The following SLC25A36 variants were observed in gnomAD, a reference collection of about 807,000 sequenced individuals.
The protein encoded by SLC25A36 is solute carrier family 25 member 36, also known as epididymis secretory sperm binding protein.
A neutral mutation model predicts 35.3 loss-of-function variants in SLC25A36; 24 were observed. The observed-to-expected ratio is 0.68, with a 90% CI of 0.49 to 0.96. The LOEUF (loss-of-function observed/expected upper bound fraction) is 0.96, where lower values mean the gene tolerates loss of function less well. Ranked by LOEUF, SLC25A36 falls within the 40% of genes least tolerant of loss-of-function variation. SLC25A36 has a pLI of 0.00. For synonymous variants in SLC25A36, 141 were observed against 132.2 expected (o/e 1.07, Z -0.46); for missense variants, 294 against 381.1 (o/e 0.77, Z 1.90).
chr3:140,974,188 A>G (rs1376643767), intron 6 of SLC25A36, among the ~76,000 whole-genome samples, 183 bp downstream of exon 6: 1 of 152,142 alleles, frequency 6.6e-6, no homozygotes, highest in African/African-American at 2.4e-5. Flanking sequence ...TATGCTATCA[A>G]ATAGCATGGT....
chr3:140,947,261 G>A (rs1160655395), intron 1 of SLC25A36, among the ~76,000 whole-genome samples: 2 of 152,164 alleles, frequency 1.3e-5, no homozygotes, highest in African/African-American at 2.4e-5. Flanking sequence ...AGAGAAATTA[G>A]AGACAACAAA....
At chr3:140,948,714 C>T (rs1934235502) in intron 1 of SLC25A36, among the ~76,000 whole-genome samples, 1 of 152,252 alleles carries the variant, frequency 6.6e-6, no homozygotes, top group East Asian at 1.9e-4. Context: ...AAACAAGTTT[C>T]CTGATCCATA....
In SLC25A36 at chr3:140,978,241, A is replaced by G. The variant is rs1405056330; in HGVS notation, c.*1788A>G. 1 of 152,212 alleles carries G rather than the reference A, an allele frequency of 6.6e-6. No homozygotes were observed. The highest frequency in any genetic ancestry group is 1.5e-5 in the Non-Finnish European group (1 of 68,028). The allele number at this position is 152,212 out of a possible 1,614,324, so 9.4% of individuals were successfully genotyped here. Reference sequence around the variant, plus strand: ...CCAATCTATTTGGAGACCAAAGGCAAAATCAGTTTTCTTACCTTTGGAATT... The same window carrying G: ...CCAATCTATTTGGAGACCAAAGGCAGAATCAGTTTTCTTACCTTTGGAATT... On this transcript the variant is annotated 3_prime_UTR_variant, in exon 7 of 7. Coordinates refer to ENST00000324194, the MANE Select transcript of SLC25A36 (RefSeq NM_001104647.3).
At chr3:140,976,163 G>A (rs752725797) in intron 6 of SLC25A36, 97 bp from the exon 7 acceptor site, 193 of 800,148 alleles carry the variant, frequency 2.4e-4, no homozygotes, top group Non-Finnish European at 3.5e-4. Context: ...TTTATCCTGA[G>A]CTTACACTTA....
At chr3:140,964,069 T>TA in intron 4 of SLC25A36, 1 of 152,118 alleles carries the variant, frequency 6.6e-6, no homozygotes, top group South Asian at 2.1e-4. Context: ...TGTAACTTTA[T>TA]AAACTGTAGC....
chr3:140,966,026 A>G (rs1241220486), intron 4 of SLC25A36: 3 of 152,090 alleles, frequency 2.0e-5, no homozygotes, highest in East Asian at 3.9e-4. Flanking sequence ...ATGAATTCTA[A>G]TTTTAATTGG....
intron 1 of SLC25A36, among the ~76,000 whole-genome samples, chr3:140,945,410 C>T (rs1032046195): frequency 3.9e-5 from 6 of 152,092 alleles, no homozygotes; most frequent in African/African-American, 1.4e-4. Context: ...TAATAGACTG[C>T]AAAACTAAGG....
At chr3:140,960,522 G>T (rs1934601156) in intron 3 of SLC25A36, among the ~76,000 whole-genome samples, 1 of 152,198 alleles carries the variant, frequency 6.6e-6, no homozygotes, top group South Asian at 2.1e-4. Flanking sequence ...GGATGTCAGG[G>T]CTTAGAACAG....
intron 4 of SLC25A36, chr3:140,965,766 G>C (rs1296881882): frequency 6.6e-6 from 1 of 151,492 alleles, no homozygotes; most frequent in African/African-American, 2.4e-5. Context: ...TTAATATTTT[G>C]CCTGCCTTTT....
chr3:140,954,718 T>C (rs749756466), intron 1 of SLC25A36, among the ~76,000 whole-genome samples: 1 of 152,244 alleles, frequency 6.6e-6, no homozygotes, highest in Non-Finnish European at 1.5e-5. Context: ...TATTCCTGAC[T>C]GTAAGCACTT....
At position 140,978,078 on chromosome 3, in the gene SLC25A36, A is replaced by G. The variant is rs1935096583; in HGVS notation, c.*1625A>G. ...CCTGTCGTACCCCCAACATTATAGAATATTGCAGCGTGTCATTGCAAGCTT... is the reference window on the plus strand; with the variant it reads ...CCTGTCGTACCCCCAACATTATAGAGTATTGCAGCGTGTCATTGCAAGCTT... On this transcript the variant is annotated 3_prime_UTR_variant, in exon 7 of 7. Transcript: ENST00000324194. 2.0e-5 allele frequency: 3 copies of G among 152,246 alleles called. No homozygotes were observed. Among genetic ancestry groups the G allele is most frequent in the East Asian group, 3.9e-4 (2 of 5,178 alleles). 9.4% of individuals were successfully genotyped at this position (152,246 alleles called of 1,614,324 possible).
intron 6 of SLC25A36, among the ~76,000 whole-genome samples, 173 bp downstream of exon 6, chr3:140,974,178 T>TA (rs1160328435): frequency 6.6e-6 from 1 of 152,184 alleles, no homozygotes; most frequent in African/African-American, 2.4e-5. Flanking sequence ...AGGTCAGTAT[T>TA]ATGCTATCAA....
chr3:140,970,600 A>T (rs2107812190), intron 4 of SLC25A36: 1 of 160,894 alleles, frequency 6.2e-6, no homozygotes, highest in South Asian at 2.0e-4. Flanking sequence ...AATACACAAA[A>T]TGTCTATGTG....
chr3:140,966,830 G>C (rs1336927862), intron 4 of SLC25A36: 4 of 414,044 alleles, frequency 9.7e-6, no homozygotes, highest in Admixed American at 7.5e-5. Flanking sequence ...AGATCTCACA[G>C]TAAATATTTC....
chr3:140,961,190 G>GA (rs144574269), intron 3 of SLC25A36, among the ~76,000 whole-genome samples: 12 of 150,990 alleles, frequency 7.9e-5, no homozygotes, highest in South Asian at 2.1e-4. Flanking sequence ...CAAGTTAAAA[G>GA]AAAAAAAACA....
At chr3:140,958,315 T>C (rs868741101) in intron 2 of SLC25A36, among the ~76,000 whole-genome samples, 6 of 152,328 alleles carry the variant, frequency 3.9e-5, no homozygotes, top group South Asian at 2.1e-4. Flanking sequence ...CATAACTTAC[T>C]CCAGGAAAGT....
Position 140,951,482 on chromosome 3 carries a change from C to CTTATTTAT in SLC25A36, c.42-5038_42-5031dup, listed in dbSNP as rs77377657. Among the ~76,000 whole-genome samples the CTTATTTAT allele has an allele frequency of 7.9e-5, 12 of 152,136 alleles. No homozygotes were observed. In the East Asian group the frequency reaches 1.7e-3, roughly 22 times the overall value. ...GCCACCCCCACCTCTGTACGATTTACTTATTTATTTATTTTTTGAGATGGA... is the reference window on the plus strand; with the variant it reads ...GCCACCCCCACCTCTGTACGATTTACTTATTTATTTATTTATTTATTTTTTGAGATGGA... On this transcript the variant is annotated intron_variant, in intron 1 of 6. Transcript: ENST00000324194.
At chr3:140,959,336 A>G in intron 2 of SLC25A36, 127 bp from the exon 3 acceptor site, 1 of 590,624 alleles carries the variant, frequency 1.7e-6, no homozygotes, top group Non-Finnish European at 2.8e-6. Context: ...ATAAGTAAGG[A>G]AAACTCACCA....
intron 1 of SLC25A36, among the ~76,000 whole-genome samples, chr3:140,949,483 A>G (rs140586291): frequency 2.0e-5 from 3 of 152,356 alleles, no homozygotes; most frequent in Non-Finnish European, 4.4e-5. Context: ...ATACATAGCT[A>G]TGTGATTATT....
Sources: allele counts gnomAD v4.1 joint callset (sites outside exome capture counted in the v4.1 genomes callset), GRCh38; gene constraint gnomAD v4.1.1; transcripts MANE v1.5; gene names NCBI Gene and HGNC (gene_info 2026-07-23, HGNC 2026-07-21).